Variants in PDE2A observed in about 807,000 individuals in gnomAD.
PDE2A encodes cGMP-dependent 3',5'-cyclic phosphodiesterase.
In PDE2A, 53 loss-of-function variants were observed where a neutral mutation model predicts 133.6. That is an observed-to-expected ratio of 0.40 (90% CI 0.32 to 0.50). PDE2A has a LOEUF of 0.50. PDE2A is among the 20% of genes least tolerant of loss of function. The pLI, the probability that PDE2A is intolerant of heterozygous loss-of-function variation, is 0.73. For synonymous variants in PDE2A, 491 were observed against 490.2 expected (o/e 1.00, Z -0.02); for missense variants, 796 against 1,232.4 (o/e 0.65, Z 5.30).
chr11:72,635,152 T>C (rs1167074495), intron 2 of PDE2A, among the ~76,000 whole-genome samples: 2 of 152,302 alleles, frequency 1.3e-5, no homozygotes, highest in East Asian at 3.9e-4. Context: ...CCCCTTACCC[T>C]GCAAGCTTTG....
chr11:72,657,975 G>A (rs1298620148), intron 1 of PDE2A: 5 of 456,184 alleles, frequency 1.1e-5, no homozygotes, highest in Non-Finnish European at 2.2e-5. Flanking sequence ...CTGAGGAGGG[G>A]TGGAGGGAAG....
At chr11:72,589,123 C>A in intron 12 of PDE2A, 52 bp downstream of exon 12, 1 of 1,496,512 alleles carries the variant, frequency 6.7e-7, no homozygotes, top group African/African-American at 1.4e-5. Flanking sequence ...GCTCTAGGGG[C>A]TGGCAGTGGG....
At chr11:72,636,048 A>G (rs1247506279) in intron 2 of PDE2A, 60 of 1,275,064 alleles carry the variant, frequency 4.7e-5, no homozygotes, top group Non-Finnish European at 6.1e-5. Context: ...GCAACCGTGG[A>G]TGGGAGGCAT....
In PDE2A at chr11:72,577,393, A is replaced by C; in HGVS notation, c.2817T>G (p.Asp939Glu). The change falls in exon 31 of 31, where the codon GAT becomes GAG. Residue 939 changes from aspartate (D) to glutamate (E), a missense_variant. Physicochemically the swap from Asp to Glu is conservative, Grantham distance 45. Coordinates refer to ENST00000334456, the MANE Select transcript of PDE2A (RefSeq NM_002599.5). ...RAPINGCCSL[D>E]AE ...GTGTCCCTGGAGGGGATCACTCAGC[A>C]TCAAGGCTGCAGCAGCCATTGATGG... 1.2e-6 allele frequency: 2 copies of C among 1,612,562 alleles called. No homozygotes were observed. Among genetic ancestry groups the C allele is most frequent in the Non-Finnish European group, 8.5e-7 (1 of 1,179,014 alleles).
Position 72,582,462 on chromosome 11 carries a change from G to A in PDE2A, c.1833C>T (p.Pro611=), listed in dbSNP as rs201331559. The A allele has an allele frequency of 2.7e-5, 44 of 1,613,864 alleles. No homozygotes were observed. Among genetic ancestry groups the A allele is most frequent in the Admixed American group, 1.5e-4 (9 of 60,002 alleles). Reference sequence around the variant, plus strand: ...AACTCACCATGGACGTGTCATCCTCGGGCAGGGAACGAGGGGTATAGGTGA... The same window carrying A: ...AACTCACCATGGACGTGTCATCCTCAGGCAGGGAACGAGGGGTATAGGTGA... The part of the protein sequence containing the change: ...ASFTYTPRSL[P]EDDTSMAILS... The change falls in exon 21 of 31, where the codon CCC becomes CCT. Residue 611 remains proline (P), a synonymous_variant. Transcript: ENST00000334456.
At chr11:72,633,054 C>G (rs748964563) in intron 2 of PDE2A, among the ~76,000 whole-genome samples, 13 of 152,248 alleles carry the variant, frequency 8.5e-5, no homozygotes, top group Non-Finnish European at 1.8e-4. Flanking sequence ...ACACTGGAAT[C>G]TGCACCAACC....
intron 1 of PDE2A, 31 bp from the exon 2 acceptor site, chr11:72,642,357 T>C (rs754584780): frequency 4.0e-6 from 6 of 1,518,346 alleles, no homozygotes; most frequent in East Asian, 2.7e-5. Context: ...GATGAGGATG[T>C]GGTGCAGCAC....
chr11:72,655,721 C>A (rs1046405896), intron 1 of PDE2A, among the ~76,000 whole-genome samples: 1 of 152,048 alleles, frequency 6.6e-6, no homozygotes, highest in African/African-American at 2.4e-5. Flanking sequence ...TATGGCTCTG[C>A]AACAATACTT....
chr11:72,640,268 C>T lies in PDE2A; in HGVS notation c.144+1986G>A, dbSNP rs140241133. ...CGCACGCCACCTAGACACAGAGACA[C>T]ATGCAGACACAACCTGCATAGATAA... On this transcript the variant is annotated intron_variant, in intron 2 of 30. Coordinates refer to ENST00000334456, the MANE Select transcript of PDE2A (RefSeq NM_002599.5). 4.1e-3 allele frequency among the ~76,000 whole-genome samples: 618 copies of T among 152,168 alleles called. 1 individual carries two copies. Among genetic ancestry groups the T allele is most frequent in the Non-Finnish European group, 6.5e-3 (441 of 67,992 alleles).
rs555487581 is a variant in PDE2A at position 72,630,983 on chromosome 11, C to G, written c.144+11271G>C. ...GGCTGGGATGTGACTCCAGCCTCCC[C>G]GTCCTCCCAAGGGGGAGGGCACCAC... On this transcript the variant is annotated intron_variant, in intron 2 of 30. Coordinates refer to ENST00000334456, the MANE Select transcript of PDE2A (RefSeq NM_002599.5). The G allele has an allele frequency of 8.9e-6, 9 of 1,005,716 alleles. No individual in the cohort carries two copies. The African/African-American group carries it at 1.1e-4, about 13-fold the overall frequency. The allele number at this position is 1,005,716 out of a possible 1,614,324, so 62.3% of individuals were successfully genotyped here.
intron 1 of PDE2A, among the ~76,000 whole-genome samples, chr11:72,666,642 C>T (rs1334475594): frequency 6.6e-6 from 1 of 152,224 alleles, no homozygotes; most frequent in African/African-American, 2.4e-5. Flanking sequence ...GGCCTTCACA[C>T]ACACATATCC....
At position 72,669,994 on chromosome 11, in the gene PDE2A, C is replaced by T. The variant is rs148244883; in HGVS notation, c.71+4143G>A. Among the ~76,000 whole-genome samples the T allele has an allele frequency of 1.2e-3, 188 of 152,270 alleles. 1 individual carries two copies. Among genetic ancestry groups the T allele is most frequent in the African/African-American group, 4.4e-3 (182 of 41,526 alleles). On this transcript the variant is annotated intron_variant, in intron 1 of 30. Coordinates refer to ENST00000334456, the MANE Select transcript of PDE2A (RefSeq NM_002599.5). ...CACGGAAGAAAGTGCTTCCTACAGT[C>T]TAGGCTCAATTCCCCACTCCTCTCC...
chr11:72,593,864 C>A (rs1386247113), intron 6 of PDE2A, among the ~76,000 whole-genome samples: 1 of 152,236 alleles, frequency 6.6e-6, no homozygotes. Context: ...GAGGGGTTTC[C>A]TTGCTAGCAC....
At chr11:72,613,768 G>C (rs1857330444) in intron 2 of PDE2A, among the ~76,000 whole-genome samples, 1 of 152,178 alleles carries the variant, frequency 6.6e-6, no homozygotes, top group South Asian at 2.1e-4. Context: ...GGGAAACCCA[G>C]GAAGGCAGCT....
At position 72,577,342 on chromosome 11, in the gene PDE2A, C is replaced by T. The variant is rs868664115; in HGVS notation, c.*42G>A. 2.0e-6 allele frequency: 3 copies of T among 1,484,660 alleles called. No individual in the cohort carries two copies. Among genetic ancestry groups the T allele is most frequent in the Non-Finnish European group, 2.8e-6 (3 of 1,073,056 alleles). 92.0% of individuals were successfully genotyped at this position (1,484,660 alleles called of 1,614,324 possible). A position where few individuals can be genotyped will look rare whatever the true frequency, so the allele number is the denominator to read the frequency against. ...TGCATCTGGCCAGACCAGTGGAGGG[C>T]TGTGGGAGGTGGCCTGGGCAGGGAA... On this transcript the variant is annotated 3_prime_UTR_variant, in exon 31 of 31. Transcript: ENST00000334456.
chr11:72,585,456 G>T, intron 15 of PDE2A, 22 bp from the exon 16 acceptor site: 1 of 1,613,500 alleles, frequency 6.2e-7, no homozygotes, highest in Non-Finnish European at 8.5e-7. Flanking sequence ...AGAAGACCAG[G>T]CAGGGTGAGA....
At chr11:72,595,508 C>T (rs1029813267) in intron 6 of PDE2A, among the ~76,000 whole-genome samples, 1 of 152,078 alleles carries the variant, frequency 6.6e-6, no homozygotes, top group African/African-American at 2.4e-5. Flanking sequence ...CAGCCAAGTA[C>T]CCCTCCTCCC....
chr11:72,660,132 T>G (rs116849116), intron 1 of PDE2A, among the ~76,000 whole-genome samples: 1 of 152,222 alleles, frequency 6.6e-6, no homozygotes, highest in Admixed American at 6.5e-5. Flanking sequence ...AATATTCTTT[T>G]CTTAATTGTC....
chr11:72,639,028 C>T (rs550383324), intron 2 of PDE2A, among the ~76,000 whole-genome samples: 4 of 152,176 alleles, frequency 2.6e-5, no homozygotes, highest in African/African-American at 7.2e-5. Context: ...ACTGCGGCAT[C>T]GACCCCAGCC....
Sources: allele counts gnomAD v4.1 joint callset (sites outside exome capture counted in the v4.1 genomes callset), GRCh38; gene constraint gnomAD v4.1.1; transcripts MANE v1.5; gene names NCBI Gene and HGNC (gene_info 2026-07-23, HGNC 2026-07-21).